USPL1: variants seen among roughly 807,000 people sequenced by gnomAD.
USPL1 encodes SUMO-specific isopeptidase USPL1.
A neutral mutation model predicts 51.5 loss-of-function variants in USPL1; 27 were observed. The observed-to-expected ratio is 0.52, with a 90% confidence interval of 0.39 to 0.72. The LOEUF is 0.72. Ranked by LOEUF, USPL1 falls within the 30% of genes least tolerant of loss-of-function variation. USPL1 has a pLI of 0.00. For missense variants in USPL1, 1,226 were observed against 1,268.0 expected (o/e 0.97, Z 0.50); for synonymous variants, 451 against 459.6 (o/e 0.98, Z 0.24).
chr13:30,639,388 A>G (rs562595887), intron 5 of USPL1, among the ~76,000 whole-genome samples: 1 of 151,992 alleles, frequency 6.6e-6, no homozygotes, highest in African/African-American at 2.4e-5. Flanking sequence ...ACATTTTATT[A>G]AAATTAATAT....
At chr13:30,638,694 C>T (rs1950907328) in intron 5 of USPL1, among the ~76,000 whole-genome samples, 3 of 151,674 alleles carry the variant, frequency 2.0e-5, no homozygotes, top group Non-Finnish European at 4.4e-5. Context: ...ATGATACTCC[C>T]TATTAGTAAT....
At position 30,637,208 on chromosome 13, in the gene USPL1, G is replaced by T. The variant is rs558864651; in HGVS notation, c.869-536G>T. On this transcript the variant is annotated intron_variant, in intron 4 of 8. Coordinates refer to ENST00000255304, the MANE Select transcript of USPL1 (RefSeq NM_005800.5). The stretch of plus-strand genomic sequence containing the variant: ...ATTTGTGTAGACAAAGCAGGATGTG[G>T]AACCGGATAAACACTATGTTGCCAC... Among the ~76,000 whole-genome samples, 19 of 152,234 alleles carry T rather than the reference G, an allele frequency of 1.2e-4. No homozygotes were observed. The South Asian group carries it at 3.9e-3, about 32-fold the overall frequency.
chr13:30,625,735 G>A (rs919566751), intron 3 of USPL1, among the ~76,000 whole-genome samples: 22 of 152,146 alleles, frequency 1.4e-4, no homozygotes, highest in South Asian at 2.1e-4. Context: ...GAGCCACCAC[G>A]CCCAGCCCGG....
intron 4 of USPL1, among the ~76,000 whole-genome samples, chr13:30,634,758 A>T (rs1263808302): frequency 6.6e-6 from 1 of 152,210 alleles, no homozygotes; most frequent in Non-Finnish European, 1.5e-5. Flanking sequence ...AATTTACAAG[A>T]TAATGACAAT....
In USPL1 at chr13:30,642,624, G is replaced by C; in HGVS notation, c.983-4G>C. ...AGCAGTAATTCTTCCTTTTCTTTTT[G>C]AAGGTGATATGGAAAGCCCTGTGTT... On this transcript the variant is annotated splice_region_variant and splice_polypyrimidine_tract_variant and intron_variant, in intron 5 of 8. Coordinates refer to ENST00000255304, the MANE Select transcript of USPL1 (RefSeq NM_005800.5). 1 of 1,597,018 alleles carries C rather than the reference G, an allele frequency of 6.3e-7. No individual in the cohort carries two copies. Among genetic ancestry groups the C allele is most frequent in the Non-Finnish European group, 8.5e-7 (1 of 1,175,358 alleles).
intron 7 of USPL1, among the ~76,000 whole-genome samples, 180 bp from the exon 8 acceptor site, chr13:30,652,968 A>C (rs1951110279): frequency 6.6e-6 from 1 of 152,224 alleles, no homozygotes; most frequent in South Asian, 2.1e-4. Flanking sequence ...TTAGTGTTAC[A>C]TACTTCTTAG....
rs1951028491 is a variant in USPL1, at chr13:30,647,124, T to C, written c.1238+67T>C. ...GTGGATTTACATTTTTCTTAATGTG[T>C]AGGATTGAAAATGGTGACAACAACT... On this transcript the variant is annotated intron_variant, in intron 7 of 8. Coordinates refer to ENST00000255304, the MANE Select transcript of USPL1 (RefSeq NM_005800.5). 12 of 1,496,176 alleles carry C rather than the reference T, an allele frequency of 8.0e-6. No individual in the cohort carries two copies. In the East Asian group the frequency reaches 2.5e-4, roughly 32 times the overall value. The allele number at this position is 1,496,176 out of a possible 1,614,324, so 92.7% of individuals were successfully genotyped here.
rs1951234180 is a variant in USPL1 at position 30,659,896 on chromosome 13, C to T, written c.*540C>T. The T allele has an allele frequency of 6.5e-6, 1 of 153,308 alleles. No homozygotes were observed. Among genetic ancestry groups the T allele is most frequent in the Admixed American group, 6.5e-5 (1 of 15,298 alleles). 9.5% of individuals were successfully genotyped at this position (153,308 alleles called of 1,614,324 possible). A position where few individuals can be genotyped will look rare whatever the true frequency, so the allele number is the denominator to read the frequency against. On this transcript the variant is annotated 3_prime_UTR_variant, in exon 9 of 9. Coordinates refer to ENST00000255304, the MANE Select transcript of USPL1 (RefSeq NM_005800.5). ...TCCCCTGTGTCGGCGGGCAGGTCGT[C>T]CCTCAAGTGTTCAGCTCTCAGCAGA...
chr13:30,658,051 T>C lies in USPL1; in HGVS notation c.1974T>C (p.Val658=). Residue 658 remains valine (V), a synonymous_variant, in exon 9 of 9, where the codon GTT becomes GTC. Coordinates refer to ENST00000255304, the MANE Select transcript of USPL1 (RefSeq NM_005800.5). ...TGGACATAAGTTTTCCATCCCAAGTTGTAAATACAAACATGCAGTCAGTAC... is the reference window on the plus strand; with the variant it reads ...TGGACATAAGTTTTCCATCCCAAGTCGTAAATACAAACATGCAGTCAGTAC... ...QFVDISFPSQ[V]VNTNMQSVQL... 1 of 1,613,146 alleles carries C rather than the reference T, an allele frequency of 6.2e-7. No homozygotes were observed. The highest frequency in any genetic ancestry group is 8.5e-7 in the Non-Finnish European group (1 of 1,179,906).
Position 30,659,881 on chromosome 13 carries a change from C to T in USPL1, c.*525C>T, listed in dbSNP as rs74043529. ...CCCACAGTGAGCAGCTCCCCTGTGT[C>T]GGCGGGCAGGTCGTCCCTCAAGTGT... On this transcript the variant is annotated 3_prime_UTR_variant, in exon 9 of 9. Coordinates refer to ENST00000255304, the MANE Select transcript of USPL1 (RefSeq NM_005800.5). 2,881 of 153,224 alleles carry T rather than the reference C, an allele frequency of 0.019. 94 individuals are homozygous for T. Among genetic ancestry groups the T allele is most frequent in the African/African-American group, 0.066 (2,736 of 41,550 alleles). 9.5% of individuals were successfully genotyped at this position (153,224 alleles called of 1,614,324 possible).
In USPL1 at chr13:30,653,210, A is replaced by G. The variant is rs1951114288; in HGVS notation, c.1301A>G (p.Tyr434Cys). 4 of 1,613,032 alleles carry G rather than the reference A, an allele frequency of 2.5e-6. No individual in the cohort carries two copies. The highest frequency in any genetic ancestry group is 3.4e-6 in the Non-Finnish European group (4 of 1,179,288). Reference protein sequence around the residue: ...EGLPQNDLQHYAFHFEGCLYQ... With the variant: ...EGLPQNDLQHCAFHFEGCLYQ... ...TTACCACAGAATGACTTGCAGCACT[A>G]TGCATTTCATTTTGAAGGCTGTCTT... The change falls in exon 8 of 9, where the codon TAT becomes TGT. Residue 434 changes from tyrosine to cysteine, a missense_variant. Coordinates refer to ENST00000255304, the MANE Select transcript of USPL1 (RefSeq NM_005800.5).
chr13:30,626,141 A>C (rs375925682), intron 3 of USPL1, among the ~76,000 whole-genome samples: 8 of 151,818 alleles, frequency 5.3e-5, no homozygotes, highest in African/African-American at 1.7e-4. Context: ...CATGGTGAAA[A>C]CCTGTCTCTA....
rs139332023 is a variant in USPL1 at position 30,642,705 on chromosome 13, T to C, written c.1060T>C (p.Ser354Pro). ...ETHIEKLFLY[S>P]FSWDFECSQC... The stretch of plus-strand genomic sequence containing the variant: ...CCACATTGAAAAGCTCTTCCTATAT[T>C]CTTTTTCTTGGGACTTTGAATGTTC... Residue 354 changes from serine to proline, a missense_variant, in exon 6 of 9, where the codon TCT (serine) becomes CCT (proline). Coordinates refer to ENST00000255304, the MANE Select transcript of USPL1 (RefSeq NM_005800.5). The C allele has an allele frequency of 8.1e-6, 13 of 1,613,966 alleles. No homozygotes were observed. The highest frequency in any genetic ancestry group is 1.1e-5 in the Non-Finnish European group (13 of 1,179,922).
At chr13:30,619,610 G>C (rs753744437) in intron 1 of USPL1, among the ~76,000 whole-genome samples, 4 of 152,140 alleles carry the variant, frequency 2.6e-5, no homozygotes, top group Non-Finnish European at 5.9e-5. Context: ...TATAAAATTA[G>C]CACCAAATAG....
chr13:30,640,806 T>C (rs1231676795), intron 5 of USPL1, among the ~76,000 whole-genome samples: 2 of 152,236 alleles, frequency 1.3e-5, no homozygotes, highest in Admixed American at 1.3e-4. Flanking sequence ...TAGAATATGC[T>C]TAGGGTTAGG....
intron 7 of USPL1, among the ~76,000 whole-genome samples, chr13:30,649,043 G>C (rs183723021): frequency 4.7e-4 from 72 of 152,288 alleles, no homozygotes; most frequent in African/African-American, 1.5e-3. Context: ...TTGCACTGCA[G>C]CATATATATT....
At chr13:30,620,773 G>T (rs1224531470) in intron 1 of USPL1, among the ~76,000 whole-genome samples, 1 of 152,048 alleles carries the variant, frequency 6.6e-6, no homozygotes, top group Non-Finnish European at 1.5e-5. Context: ...TCAAATTCTG[G>T]TCAATATAGT....
intron 4 of USPL1, among the ~76,000 whole-genome samples, chr13:30,631,791 A>G (rs971763415): frequency 6.6e-6 from 1 of 152,142 alleles, no homozygotes; most frequent in African/African-American, 2.4e-5. Context: ...ATTCCAGCCT[A>G]CTTGTCTTTA....
intron 3 of USPL1, among the ~76,000 whole-genome samples, chr13:30,628,123 T>C (rs1474538800): frequency 6.6e-6 from 1 of 150,812 alleles, no homozygotes. Flanking sequence ...CTCGAACTCC[T>C]GACCTCAGGT....
Sources: gnomAD v4.1 joint callset for allele counts (sites outside exome capture counted in the v4.1 genomes callset) on GRCh38, gnomAD v4.1.1 for gene constraint, MANE v1.5 for transcripts, NCBI Gene and HGNC (gene_info 2026-07-23, HGNC 2026-07-21) for gene names.